Variants in EIF2AK4 observed in about 807,000 individuals in gnomAD.
EIF2AK4 encodes the protein eukaryotic translation initiation factor 2 alpha kinase 4.
Under a neutral mutation model 211.1 loss-of-function variants are expected in EIF2AK4, and 139 were observed. The ratio of observed to expected loss-of-function variants is 0.66; its 90% CI spans 0.57 to 0.76. The LOEUF (loss-of-function observed/expected upper bound fraction) is 0.76. EIF2AK4 is among the 30% of genes least tolerant of loss of function. The pLI is 0.00. For synonymous variants in EIF2AK4, 710 were observed against 751.3 expected (o/e 0.94, Z 0.90); for missense variants, 1,664 against 2,043.8 (o/e 0.81, Z 3.58).
chr15:39,954,410 G>A (rs543308903), intron 5 of EIF2AK4, among the ~76,000 whole-genome samples: 3 of 152,160 alleles, frequency 2.0e-5, no homozygotes, highest in Admixed American at 6.5e-5. Flanking sequence ...ATGCCACTAC[G>A]CCTGGCTAAT....
intron 3 of EIF2AK4, among the ~76,000 whole-genome samples, chr15:39,947,423 A>G (rs1021535134): frequency 3.9e-5 from 6 of 152,204 alleles, no homozygotes; most frequent in Non-Finnish European, 8.8e-5. Flanking sequence ...TTTAATCTAT[A>G]CACAGCTCTT....
At chr15:39,998,590 G>T in intron 19 of EIF2AK4, 141 bp from the exon 20 acceptor site, 1 of 619,412 alleles carries the variant, frequency 1.6e-6, no homozygotes, top group Middle Eastern at 2.7e-4. Flanking sequence ...AAGAATAAGC[G>T]TCAGGTTTCA....
intron 13 of EIF2AK4, among the ~76,000 whole-genome samples, chr15:39,984,092 C>T (rs923595293): frequency 6.6e-6 from 1 of 152,174 alleles, no homozygotes; most frequent in African/African-American, 2.4e-5. Flanking sequence ...TTCCCAACAC[C>T]ATTTATTAAA....
At chr15:39,983,956 GT>G (rs745438613) in intron 13 of EIF2AK4, among the ~76,000 whole-genome samples, 1 of 152,180 alleles carries the variant, frequency 6.6e-6, no homozygotes, top group Non-Finnish European at 1.5e-5. Flanking sequence ...TATTGCCTAG[GT>G]TTTCTTCTAG....
intron 18 of EIF2AK4, among the ~76,000 whole-genome samples, chr15:39,996,634 C>T (rs1165713783): frequency 6.6e-6 from 1 of 152,042 alleles, no homozygotes; most frequent in Non-Finnish European, 1.5e-5. Context: ...TTGCTTGAGC[C>T]CAGGAGGCAG....
chr15:40,007,935 C>T, intron 24 of EIF2AK4, 92 bp from the exon 25 acceptor site: 2 of 1,033,196 alleles, frequency 1.9e-6, no homozygotes, highest in African/African-American at 1.6e-5. Flanking sequence ...AATTTTTTTT[C>T]ATATTTGTTT....
chr15:39,967,339 A>G lies in EIF2AK4; in HGVS notation c.1018-5A>G. 6.7e-7 allele frequency: 1 copy of G among 1,498,498 alleles called. No homozygotes were observed. Among genetic ancestry groups the G allele is most frequent in the Non-Finnish European group, 9.0e-7 (1 of 1,117,014 alleles). 92.8% of individuals were successfully genotyped at this position (1,498,498 alleles called of 1,614,324 possible). ...TATTCTTTTTTTTTTTTTTTAACTTATCAGATTCAAGGAACAGAAACAGAA... is the reference window on the plus strand; with the variant it reads ...TATTCTTTTTTTTTTTTTTTAACTTGTCAGATTCAAGGAACAGAAACAGAA... On this transcript the variant is annotated splice_polypyrimidine_tract_variant and splice_region_variant and intron_variant, in intron 8 of 38. Coordinates refer to ENST00000263791, the MANE Select transcript of EIF2AK4 (RefSeq NM_001013703.4).
intron 5 of EIF2AK4, among the ~76,000 whole-genome samples, chr15:39,954,398 G>A (rs59688263): frequency 0.06 from 9,071 of 152,198 alleles, 470 homozygotes; most frequent in East Asian, 0.29. Context: ...GATTACAGGC[G>A]TATGCCACTA....
intron 25 of EIF2AK4, among the ~76,000 whole-genome samples, chr15:40,009,243 T>C (rs1168522747): frequency 6.6e-6 from 1 of 151,836 alleles, no homozygotes; most frequent in Non-Finnish European, 1.5e-5. Flanking sequence ...CATGTGCCAC[T>C]GACCCCAGCT....
At chr15:39,949,942 T>A (rs1365260529) in intron 4 of EIF2AK4, among the ~76,000 whole-genome samples, 2 of 151,990 alleles carry the variant, frequency 1.3e-5, no homozygotes, top group African/African-American at 4.8e-5. Context: ...AACTCTTGTC[T>A]TATTTTTAAA....
intron 15 of EIF2AK4, among the ~76,000 whole-genome samples, chr15:39,990,044 A>G (rs1033136668): frequency 6.6e-6 from 1 of 152,150 alleles, no homozygotes; most frequent in Non-Finnish European, 1.5e-5. Context: ...GCCACAGGGA[A>G]CTATTTAGAA....
intron 23 of EIF2AK4, among the ~76,000 whole-genome samples, chr15:40,005,261 A>G (rs553486834): frequency 8.5e-4 from 130 of 152,340 alleles, no homozygotes; most frequent in African/African-American, 3.0e-3. Context: ...AGCCATATTT[A>G]TACTTGATTT....
intron 27 of EIF2AK4, among the ~76,000 whole-genome samples, chr15:40,014,724 T>C (rs1437836382): frequency 1.2e-4 from 18 of 152,258 alleles, no homozygotes; most frequent in African/African-American, 7.2e-5. Context: ...TTGTTACTTA[T>C]GCAAATTTCT....
At chr15:39,949,930 T>C (rs893923217) in intron 4 of EIF2AK4, among the ~76,000 whole-genome samples, 1 of 152,012 alleles carries the variant, frequency 6.6e-6, no homozygotes, top group Non-Finnish European at 1.5e-5. Context: ...CATAAAGATA[T>C]AAACTCTTGT....
intron 13 of EIF2AK4, among the ~76,000 whole-genome samples, chr15:39,982,722 C>G (rs1233239300): frequency 6.6e-6 from 1 of 151,988 alleles, no homozygotes; most frequent in African/African-American, 2.4e-5. Flanking sequence ...CAGGCAAGCC[C>G]CAATGTGTGA....
chr15:39,936,827 C>T (rs926596933), intron 1 of EIF2AK4, among the ~76,000 whole-genome samples: 1 of 152,142 alleles, frequency 6.6e-6, no homozygotes, highest in African/African-American at 2.4e-5. Flanking sequence ...GGGGCAGCAT[C>T]GAAAATCAAA....
Position 40,030,380 on chromosome 15 carries a change from C to A in EIF2AK4, c.4583C>A (p.Ala1528Glu). Residue 1528 changes from alanine (A) to glutamate (E), a missense_variant, in exon 35 of 39, where the codon GCA becomes GAA. Around this residue, in one of 7 missense-constraint regions of EIF2AK4, gnomAD observed 138 missense variants for 165.1 expected, o/e 0.84. Coordinates refer to ENST00000263791, the MANE Select transcript of EIF2AK4 (RefSeq NM_001013703.4). The part of the protein sequence containing the change: ...NASGLFEIHG[A>E]TVVPIVSVLA... Reference sequence around the variant, plus strand: ...TCAGGTTTGTTTGAAATCCATGGAGCAACAGTGGTTCCCATTGTGAGTGTG... The same window carrying A: ...TCAGGTTTGTTTGAAATCCATGGAGAAACAGTGGTTCCCATTGTGAGTGTG... 5 of 1,614,082 alleles carry A rather than the reference C, an allele frequency of 3.1e-6. No individual in the cohort carries two copies. The highest frequency in any genetic ancestry group is 4.2e-6 in the Non-Finnish European group (5 of 1,180,008).
chr15:40,003,868 T>C (rs955184244), intron 23 of EIF2AK4, among the ~76,000 whole-genome samples: 1 of 152,216 alleles, frequency 6.6e-6, no homozygotes, highest in African/African-American at 2.4e-5. Context: ...TGCTGTATGA[T>C]AGAGCAAGGA....
intron 15 of EIF2AK4, 40 bp from the exon 16 acceptor site, chr15:39,990,233 A>G: frequency 2.5e-6 from 4 of 1,594,028 alleles, no homozygotes; most frequent in Non-Finnish European, 3.4e-6. Context: ...AACTTTATGC[A>G]TGGAAAACCA....
Sources: gnomAD v4.1 joint callset for allele counts (sites outside exome capture counted in the v4.1 genomes callset) on GRCh38, gnomAD v4.1.1 for gene constraint, gnomAD v4.1.1 regional missense constraint, MANE v1.5 for transcripts, NCBI Gene and HGNC (gene_info 2026-07-23, HGNC 2026-07-21) for gene names.